Variants in GRID2 observed in about 807,000 individuals in gnomAD.
GRID2 encodes glutamate ionotropic receptor delta type subunit 2, also known as glutamate receptor ionotropic, delta-2.
Under a neutral mutation model 114.8 loss-of-function variants are expected in GRID2, and 33 were observed. The ratio of observed to expected loss-of-function variants is 0.29; its 90% CI spans 0.22 to 0.38. GRID2 has a LOEUF of 0.38. Ranked by LOEUF, GRID2 falls within the 10% of genes least tolerant of loss-of-function variation. GRID2 has a pLI of 1.00. For synonymous variants in GRID2, 505 were observed against 449.9 expected (o/e 1.12, Z -1.55); for missense variants, 1,184 against 1,257.7 (o/e 0.94, Z 0.89).
intron 8 of GRID2, among the ~76,000 whole-genome samples, chr4:93,285,037 T>C (rs1172683134): frequency 6.6e-6 from 1 of 152,058 alleles, no homozygotes; most frequent in African/African-American, 2.4e-5. Flanking sequence ...AGGAAGCTTT[T>C]GGTCTCTCAA....
chr4:93,119,559 A>G (rs533575167), intron 4 of GRID2, among the ~76,000 whole-genome samples: 2 of 152,316 alleles, frequency 1.3e-5, no homozygotes, highest in Non-Finnish European at 2.9e-5. Flanking sequence ...TCAAATTTTC[A>G]GAAAGGAACC....
chr4:92,384,707 T>C (rs1205946362), intron 1 of GRID2, among the ~76,000 whole-genome samples: 1 of 127,142 alleles, frequency 7.9e-6, no homozygotes, highest in East Asian at 2.1e-4. Flanking sequence ...GACATATGGA[T>C]GTTTGGGAGC....
Position 93,172,852 on chromosome 4 carries a change from G to C in GRID2, c.736-34552G>C, listed in dbSNP as rs115058720. 2.1e-3 allele frequency among the ~76,000 whole-genome samples: 324 copies of C among 151,556 alleles called. 2 individuals carry two copies. The highest frequency in any genetic ancestry group is 7.6e-3 in the African/African-American group (314 of 41,406). On this transcript the variant is annotated intron_variant, in intron 4 of 15. Transcript: ENST00000282020. ...ATTACTAAAGTTTGGGGAAAATAAA[G>C]TTAACTGATAATGAGATTGAATATT...
At chr4:93,747,046 C>CA (rs932552721) in intron 14 of GRID2, among the ~76,000 whole-genome samples, 13 of 150,376 alleles carry the variant, frequency 8.6e-5, no homozygotes, top group Admixed American at 2.6e-4. Flanking sequence ...TTTAGTGTTT[C>CA]AAAAAAAAAT....
intron 2 of GRID2, among the ~76,000 whole-genome samples, chr4:93,062,031 A>G (rs995759860): frequency 2.0e-5 from 3 of 152,134 alleles, no homozygotes; most frequent in Non-Finnish European, 2.9e-5. Context: ...TAGAATATTT[A>G]TAAGAGGTCT....
intron 4 of GRID2, among the ~76,000 whole-genome samples, chr4:93,185,289 T>C (rs1400872245): frequency 6.6e-6 from 1 of 152,178 alleles, no homozygotes; most frequent in Admixed American, 6.5e-5. Flanking sequence ...ATTTGCTTTC[T>C]GTGAATTTCA....
intron 2 of GRID2, among the ~76,000 whole-genome samples, chr4:92,981,997 G>A (rs1335511758): frequency 2.0e-5 from 2 of 100,962 alleles, no homozygotes; most frequent in South Asian, 3.2e-4. Flanking sequence ...TTACAGAAAA[G>A]TATCTTCACA....
intron 2 of GRID2, among the ~76,000 whole-genome samples, chr4:92,659,265 A>C (rs951221900): frequency 6.6e-6 from 1 of 151,672 alleles, no homozygotes; most frequent in African/African-American, 2.4e-5. Context: ...ATTGCCATTT[A>C]CATGTTTTTT....
At chr4:92,864,337 A>T (rs1479063981) in intron 2 of GRID2, among the ~76,000 whole-genome samples, 2 of 152,242 alleles carry the variant, frequency 1.3e-5, no homozygotes, top group African/African-American at 4.8e-5. Context: ...ACTTCGTTAC[A>T]GTCTTTTCAA....
chr4:93,116,472 G>A (rs980970068), intron 4 of GRID2, among the ~76,000 whole-genome samples: 1 of 151,954 alleles, frequency 6.6e-6, no homozygotes, highest in African/African-American at 2.4e-5. Context: ...TCAGCTTCAG[G>A]TTTCTTGTTT....
At chr4:92,957,309 C>G (rs1752478044) in intron 2 of GRID2, among the ~76,000 whole-genome samples, 1 of 151,902 alleles carries the variant, frequency 6.6e-6, no homozygotes, top group African/African-American at 2.4e-5. Context: ...GCCTGTGATT[C>G]ACTTCAAGTT....
chr4:92,456,143 T>A (rs372336269), intron 1 of GRID2, among the ~76,000 whole-genome samples: 1 of 146,972 alleles, frequency 6.8e-6, no homozygotes, highest in East Asian at 1.9e-4. Flanking sequence ...AAAATGAACT[T>A]TTTTGGCAGC....
chr4:93,462,998 A>G (rs1482806742), intron 11 of GRID2, among the ~76,000 whole-genome samples: 2 of 152,176 alleles, frequency 1.3e-5, no homozygotes, highest in African/African-American at 4.8e-5. Context: ...CAGGTATTAA[A>G]TTAAAACAGC....
chr4:92,919,932 T>C (rs1749164506), intron 2 of GRID2, among the ~76,000 whole-genome samples: 1 of 152,194 alleles, frequency 6.6e-6, no homozygotes, highest in Non-Finnish European at 1.5e-5. Flanking sequence ...TTGATCTGTC[T>C]AATGTTGACA....
Position 92,304,485 on chromosome 4 carries a change from A to G in GRID2, c.-172A>G, listed in dbSNP as rs1189747371. ...TTCCTCAGGCTGGGCTCTTTCTGTCATTCCCTTCTGCCTTTCTCGGCGACG... is the reference window on the plus strand; with the variant it reads ...TTCCTCAGGCTGGGCTCTTTCTGTCGTTCCCTTCTGCCTTTCTCGGCGACG... On this transcript the variant is annotated 5_prime_UTR_variant, in exon 1 of 16. Coordinates refer to ENST00000282020, the MANE Select transcript of GRID2 (RefSeq NM_001510.4). The G allele has an allele frequency of 4.8e-6, 3 of 622,634 alleles. No individual in the cohort carries two copies. The highest frequency in any genetic ancestry group is 5.8e-5 in the Admixed American group (2 of 34,342). 38.6% of individuals were successfully genotyped at this position (622,634 alleles called of 1,614,324 possible). A position where few individuals can be genotyped will look rare whatever the true frequency, so the allele number is the denominator to read the frequency against.
intron 13 of GRID2, among the ~76,000 whole-genome samples, chr4:93,603,007 C>T (rs991310760): frequency 1.4e-4 from 21 of 152,076 alleles, no homozygotes; most frequent in Non-Finnish European, 7.4e-5. Context: ...GTCAGGAGTT[C>T]GAGACCAGCC....
At chr4:93,102,324 G>GA (rs965508541) in intron 3 of GRID2, among the ~76,000 whole-genome samples, 59 of 152,176 alleles carry the variant, frequency 3.9e-4, no homozygotes, top group African/African-American at 1.4e-3. Context: ...AACTGTTTCT[G>GA]AAAATTAGAG....
At chr4:92,533,446 C>CACATACATACATACAT (rs71579567) in intron 1 of GRID2, among the ~76,000 whole-genome samples, 198 of 150,012 alleles carry the variant, frequency 1.3e-3, no homozygotes, top group Middle Eastern at 3.4e-3. Context: ...AGTACTAGGA[C>CACATACATACATACAT]ACATACATAC....
intron 13 of GRID2, among the ~76,000 whole-genome samples, chr4:93,600,055 A>G (rs955209374): frequency 5.3e-5 from 8 of 152,222 alleles, no homozygotes; most frequent in Non-Finnish European, 1.5e-5. Context: ...TAGCTGCCAT[A>G]TACCACAGCG....
Sources: allele counts gnomAD v4.1 joint callset (sites outside exome capture counted in the v4.1 genomes callset), GRCh38; gene constraint gnomAD v4.1.1; transcripts MANE v1.5; gene names NCBI Gene and HGNC (gene_info 2026-07-23, HGNC 2026-07-21).